The following TRPV1 variants were observed in gnomAD, a reference collection of about 807,000 sequenced individuals.
TRPV1 encodes transient receptor potential cation channel subfamily V member 1, also known as OTRPC1.
In TRPV1, 82 loss-of-function variants were observed where a neutral mutation model predicts 82.3. The observed-to-expected ratio is 1.00, with a 90% confidence interval of 0.83 to 1.20. The LOEUF (loss-of-function observed/expected upper bound fraction) is 1.20, where lower values mean the gene tolerates loss of function less well. Among genes scored for constraint, TRPV1 ranks in the 50% most tolerant of loss-of-function variants. The probability of loss-of-function intolerance (pLI) is 0.00; values close to 1 mark genes in which losing one functional copy is unlikely to be tolerated. For synonymous variants in TRPV1, 515 were observed against 467.7 expected, an observed-to-expected ratio of 1.10 and a Z score of -1.30; for missense variants, 1,067 against 1,096.8, an observed-to-expected ratio of 0.97 and a Z score of 0.38.
rs577907553 is a variant in TRPV1 at position 3,607,725 on chromosome 17, C to T, written c.-34+702G>A. Reference sequence around the variant, plus strand: ...CTAACTTTTGTATTTCTAGTAGAGACGAGTTTTCACCACGTTGGCCAGGTT... The same window carrying T: ...CTAACTTTTGTATTTCTAGTAGAGATGAGTTTTCACCACGTTGGCCAGGTT... On this transcript the variant is annotated intron_variant, in intron 2 of 16. Coordinates refer to ENST00000572705, the MANE Select transcript of TRPV1 (RefSeq NM_080704.4). Among the ~76,000 whole-genome samples, 240 of 151,576 alleles carry T rather than the reference C, an allele frequency of 1.6e-3. 1 individual carries two copies. The highest frequency in any genetic ancestry group is 2.8e-3 in the Non-Finnish European group (187 of 67,920).
intron 16 of TRPV1, among the ~76,000 whole-genome samples, chr17:3,568,128 C>G (rs953263302): frequency 3.3e-5 from 5 of 152,066 alleles, no homozygotes; most frequent in Non-Finnish European, 4.4e-5. Context: ...CGAGACCATC[C>G]TGGCTAACAT....
chr17:3,567,835 C>T (rs1210942025), intron 16 of TRPV1, among the ~76,000 whole-genome samples: 2 of 152,042 alleles, frequency 1.3e-5, no homozygotes, highest in African/African-American at 2.4e-5. Flanking sequence ...AACCATCCCC[C>T]ATCCCTGCCC....
At chr17:3,585,715 C>A in intron 9 of TRPV1, 53 bp downstream of exon 9, 3 of 1,578,048 alleles carry the variant, frequency 1.9e-6, no homozygotes, top group South Asian at 2.3e-5. Context: ...ATGTCCACAC[C>A]CCTTCCCCAC....
At chr17:3,606,964 C>T (rs1237169297) in intron 2 of TRPV1, among the ~76,000 whole-genome samples, 1 of 152,176 alleles carries the variant, frequency 6.6e-6, no homozygotes, top group Non-Finnish European at 1.5e-5. Flanking sequence ...AGACAAAGGA[C>T]GCTGGTAAAC....
chr17:3,605,485 G>A (rs2075291097), intron 2 of TRPV1, among the ~76,000 whole-genome samples: 1 of 151,740 alleles, frequency 6.6e-6, no homozygotes, highest in African/African-American at 2.4e-5. Context: ...ACTCCAGCCT[G>A]GGTAACAGAG....
In TRPV1 at chr17:3,588,802, G is replaced by A. The variant is rs1335246092; in HGVS notation, c.1045-435C>T. On this transcript the variant is annotated intron_variant, in intron 7 of 16. Transcript: ENST00000572705. Reference sequence around the variant, plus strand: ...GCTCTCCAGCCTGGGCAACAAGAGCGAAACCTCATCTAAAAAAAAAAAAAA... The same window carrying A: ...GCTCTCCAGCCTGGGCAACAAGAGCAAAACCTCATCTAAAAAAAAAAAAAA... The A allele has an allele frequency of 1.8e-5, 19 of 1,063,648 alleles. 1 individual carries two copies. The highest frequency in any genetic ancestry group is 2.1e-4 in the Middle Eastern group (1 of 4,810). 65.9% of individuals were successfully genotyped at this position (1,063,648 alleles called of 1,614,324 possible).
At chr17:3,576,848 CAAA>C (rs989451980) in intron 13 of TRPV1, among the ~76,000 whole-genome samples, 2 of 39,070 alleles carry the variant, frequency 5.1e-5, no homozygotes, top group African/African-American at 8.6e-5. Flanking sequence ...GACTCCATCT[CAAA>C]AAAAAAAAAA....
chr17:3,590,398 G>T lies in TRPV1; in HGVS notation c.605-6C>A. 3 of 1,613,386 alleles carry T rather than the reference G, an allele frequency of 1.9e-6. No homozygotes were observed. The highest frequency in any genetic ancestry group is 2.5e-6 in the Non-Finnish European group (3 of 1,179,736). ...GATGTGCAGTGCTGTCTGGCCTACA[G>T]AGGACGCGCACGGTTGGCTTCGTGG... On this transcript the variant is annotated splice_polypyrimidine_tract_variant and splice_region_variant and intron_variant, in intron 5 of 16. Coordinates refer to ENST00000572705, the MANE Select transcript of TRPV1 (RefSeq NM_080704.4).
intron 2 of TRPV1, among the ~76,000 whole-genome samples, chr17:3,602,890 G>A (rs2075273791): frequency 6.6e-6 from 1 of 152,216 alleles, no homozygotes. Context: ...GGGAGGCCGA[G>A]GCGGGTGGAT....
intron 16 of TRPV1, among the ~76,000 whole-genome samples, chr17:3,567,778 A>G (rs1870006211): frequency 6.6e-6 from 1 of 151,210 alleles, no homozygotes; most frequent in Non-Finnish European, 1.5e-5. Flanking sequence ...TCTGTCTCAA[A>G]AAAAAAAAAA....
At chr17:3,568,232 G>A (rs2074800649) in intron 16 of TRPV1, among the ~76,000 whole-genome samples, 1 of 150,982 alleles carries the variant, frequency 6.6e-6, no homozygotes, top group Admixed American at 6.6e-5. Context: ...TGAAGCAGGA[G>A]AATGGCGTGA....
chr17:3,578,061 T>G (rs1384838670), intron 11 of TRPV1: 1 of 236,840 alleles, frequency 4.2e-6, no homozygotes, highest in Non-Finnish European at 8.5e-6. Flanking sequence ...TCCCAGCTCT[T>G]TGGGAGGCTG....
intron 13 of TRPV1, among the ~76,000 whole-genome samples, chr17:3,574,211 C>G (rs537037116): frequency 1.3e-5 from 2 of 152,198 alleles, no homozygotes; most frequent in South Asian, 4.1e-4. Flanking sequence ...AGTGCACAAC[C>G]TGCTTAACCA....
chr17:3,597,355 G>A (rs1197476055), intron 2 of TRPV1, among the ~76,000 whole-genome samples: 3 of 152,164 alleles, frequency 2.0e-5, no homozygotes, highest in African/African-American at 4.8e-5. Context: ...TCTGGGAAAC[G>A]GCTCCACAAA....
chr17:3,601,384 C>T (rs1383775369), intron 2 of TRPV1, among the ~76,000 whole-genome samples: 1 of 151,952 alleles, frequency 6.6e-6, no homozygotes, highest in African/African-American at 2.4e-5. Flanking sequence ...ACCCCCGCAC[C>T]CTGAGCCCAC....
At chr17:3,598,260 A>G (rs392574) in intron 2 of TRPV1, among the ~76,000 whole-genome samples, 125,687 of 151,912 alleles carry the variant, frequency 0.83, 52,216 homozygotes, top group East Asian at 1. Context: ...GGCCCTCGTA[A>G]CCCTGCCTGG....
Position 3,583,320 on chromosome 17 carries a change from G to A in TRPV1, c.1476+18C>T, listed in dbSNP as rs1335515194. ...TTTGGTGATAATGGAAACTCACAATGTGGGAAGGAACGCTTACCCCTCGGA... is the reference window on the plus strand; with the variant it reads ...TTTGGTGATAATGGAAACTCACAATATGGGAAGGAACGCTTACCCCTCGGA... On this transcript the variant is annotated intron_variant, in intron 10 of 16. Coordinates refer to ENST00000572705, the MANE Select transcript of TRPV1 (RefSeq NM_080704.4). 1.3e-6 allele frequency: 2 copies of A among 1,591,066 alleles called. No homozygotes were observed. The highest frequency in any genetic ancestry group is 1.7e-6 in the Non-Finnish European group (2 of 1,166,666).
chr17:3,594,922 C>T (rs577064474), intron 2 of TRPV1, among the ~76,000 whole-genome samples: 8 of 152,236 alleles, frequency 5.3e-5, no homozygotes, highest in East Asian at 1.9e-4. Flanking sequence ...AGCTGAAGAA[C>T]GGGAAGTCAG....
At chr17:3,585,568 G>A (rs1025196484) in intron 9 of TRPV1, 200 bp downstream of exon 9, 14 of 610,058 alleles carry the variant, frequency 2.3e-5, no homozygotes, top group African/African-American at 5.6e-5. Context: ...GGAAGGGGGC[G>A]GGTCTCCTGT....
Sources: allele counts gnomAD v4.1 joint callset (sites outside exome capture counted in the v4.1 genomes callset), GRCh38; gene constraint gnomAD v4.1.1; transcripts MANE v1.5; gene names NCBI Gene and HGNC (gene_info 2026-07-23, HGNC 2026-07-21).